B3GLCT: variants seen among roughly 807,000 people sequenced by gnomAD.
B3GLCT encodes the protein beta-1,3-glucosyltransferase.
B3GLCT carries 65 observed loss-of-function variants against 63.4 expected under a neutral mutation model. The ratio of observed to expected loss-of-function variants is 1.03; its 90% CI spans 0.84 to 1.26. The LOEUF is 1.26. Among genes scored for constraint, B3GLCT ranks in the 50% most tolerant of loss-of-function variants. B3GLCT has a pLI of 0.00. For missense variants in B3GLCT, 577 were observed against 604.8 expected (o/e 0.95, Z 0.48); for synonymous variants, 233 against 219.2 (o/e 1.06, Z -0.55).
chr13:31,269,080 G>A, intron 7 of B3GLCT, 134 bp from the exon 8 acceptor site: 1 of 665,474 alleles, frequency 1.5e-6, no homozygotes, highest in Non-Finnish European at 2.6e-6. Flanking sequence ...TTCCCTCAAG[G>A]AATTTAAACT....
intron 10 of B3GLCT, among the ~76,000 whole-genome samples, chr13:31,279,775 G>A (rs1364928111): frequency 6.6e-6 from 1 of 152,158 alleles, no homozygotes; most frequent in Non-Finnish European, 1.5e-5. Context: ...AAACCTGGGA[G>A]CGCTACGGGA....
At chr13:31,228,359 A>G (rs1870205944) in intron 3 of B3GLCT, among the ~76,000 whole-genome samples, 1 of 152,272 alleles carries the variant, frequency 6.6e-6, no homozygotes, top group African/African-American at 2.4e-5. Context: ...AGGACCATTC[A>G]GAACATTCTT....
At chr13:31,321,712 T>G (rs1875337018) in intron 13 of B3GLCT, among the ~76,000 whole-genome samples, 1 of 152,250 alleles carries the variant, frequency 6.6e-6, no homozygotes, top group Non-Finnish European at 1.5e-5. Context: ...CTGTGGTTTC[T>G]GTGTAGGTAT....
At chr13:31,247,567 C>G (rs1871252413) in intron 5 of B3GLCT, among the ~76,000 whole-genome samples, 1 of 152,184 alleles carries the variant, frequency 6.6e-6, no homozygotes, top group Non-Finnish European at 1.5e-5. Flanking sequence ...GCCACCACAC[C>G]CTGCCCTATA....
intron 8 of B3GLCT, among the ~76,000 whole-genome samples, chr13:31,271,555 G>T (rs979816480): frequency 1.2e-4 from 18 of 152,302 alleles, no homozygotes; most frequent in African/African-American, 4.3e-4. Context: ...ATATTTGTGT[G>T]TGTGGTGGTG....
At chr13:31,209,783 C>T (rs1869164046) in intron 1 of B3GLCT, among the ~76,000 whole-genome samples, 1 of 152,184 alleles carries the variant, frequency 6.6e-6, no homozygotes, top group South Asian at 2.1e-4. Flanking sequence ...TCATTGGTTC[C>T]TGCCAGCGCC....
At chr13:31,228,902 G>C (rs1327280726) in intron 3 of B3GLCT, among the ~76,000 whole-genome samples, 1 of 152,200 alleles carries the variant, frequency 6.6e-6, no homozygotes, top group African/African-American at 2.4e-5. Flanking sequence ...CACATTTTCA[G>C]CCATTCTTTC....
intron 2 of B3GLCT, among the ~76,000 whole-genome samples, chr13:31,217,994 A>G (rs1869638046): frequency 6.6e-6 from 1 of 152,152 alleles, no homozygotes; most frequent in Non-Finnish European, 1.5e-5. Flanking sequence ...TAGAAATAAC[A>G]TTGAATCTGT....
intron 1 of B3GLCT, among the ~76,000 whole-genome samples, chr13:31,212,875 T>C (rs936206196): frequency 7.9e-5 from 12 of 152,272 alleles, no homozygotes; most frequent in Admixed American, 5.2e-4. Context: ...GTTTTTGATA[T>C]CTTCTTCAGG....
At chr13:31,267,088 T>A (rs1275640336) in intron 7 of B3GLCT, among the ~76,000 whole-genome samples, 1 of 152,204 alleles carries the variant, frequency 6.6e-6, no homozygotes, top group Non-Finnish European at 1.5e-5. Flanking sequence ...TGGTTTTCAC[T>A]TTTTCCCCTT....
At position 31,247,084 on chromosome 13, in the gene B3GLCT, T is replaced by C. The variant is rs752463879; in HGVS notation, c.332T>C (p.Leu111Pro). ...LAKQEGAWTI[L>P]PLLPHFSVTY... is the part of the protein sequence containing the mutation. The stretch of plus-strand genomic sequence containing the variant: ...AAACAAGAAGGTGCATGGACCATAC[T>C]TCCGTTGTTACCGCAGTACGTTTGT... The change falls in exon 5 of 15, where the codon CTT becomes CCT. Residue 111 changes from leucine to proline, a missense_variant. By Grantham distance (98) the Leu-to-Pro change is moderately conservative. Coordinates refer to ENST00000343307, the MANE Select transcript of B3GLCT (RefSeq NM_194318.4). The C allele has an allele frequency of 1.2e-6, 2 of 1,613,528 alleles. No individual in the cohort carries two copies. The highest frequency in any genetic ancestry group is 1.7e-6 in the Non-Finnish European group (2 of 1,179,550).
At chr13:31,202,892 G>A (rs1030301329) in intron 1 of B3GLCT, among the ~76,000 whole-genome samples, 2 of 152,222 alleles carry the variant, frequency 1.3e-5, no homozygotes, top group African/African-American at 4.8e-5. Flanking sequence ...ATGCCAGATG[G>A]ATGTGGAGCA....
At chr13:31,215,751 C>A (rs962514043) in intron 2 of B3GLCT, among the ~76,000 whole-genome samples, 5 of 152,148 alleles carry the variant, frequency 3.3e-5, no homozygotes, top group African/African-American at 1.2e-4. Flanking sequence ...GTTTAATTTT[C>A]TCAGTCTATG....
chr13:31,289,313 T>A (rs1457016350), intron 12 of B3GLCT, among the ~76,000 whole-genome samples: 1 of 152,118 alleles, frequency 6.6e-6, no homozygotes, highest in East Asian at 1.9e-4. Context: ...TCAAAAACTT[T>A]AGAAATCCTA....
intron 4 of B3GLCT, among the ~76,000 whole-genome samples, chr13:31,240,699 G>A (rs1258489186): frequency 6.6e-6 from 1 of 152,000 alleles, no homozygotes; most frequent in Admixed American, 6.6e-5. Flanking sequence ...TTTTGATGCT[G>A]TATATCATTA....
At position 31,285,358 on chromosome 13, in the gene B3GLCT, G is replaced by A. The variant is rs141818514; in HGVS notation, c.964+597G>A. ...GGATGAGAAATTACCCACTGAGTAC[G>A]ATAGACACTCTTCGGGTGATGGCTT... On this transcript the variant is annotated intron_variant, in intron 11 of 14. Transcript: ENST00000343307. 1.1e-3 allele frequency among the ~76,000 whole-genome samples: 160 copies of A among 152,162 alleles called. 2 individuals are homozygous for A. The East Asian group carries it at 0.011, about 10-fold the overall frequency.
chr13:31,320,431 G>A (rs577752780), intron 13 of B3GLCT, among the ~76,000 whole-genome samples: 19 of 152,126 alleles, frequency 1.2e-4, no homozygotes, highest in Non-Finnish European at 1.9e-4. Flanking sequence ...CCAGTTTGCC[G>A]CTGAAAGCTG....
chr13:31,309,068 T>C (rs1287814343), intron 12 of B3GLCT, among the ~76,000 whole-genome samples: 1 of 152,224 alleles, frequency 6.6e-6, no homozygotes, highest in African/African-American at 2.4e-5. Flanking sequence ...TTGGTAACTT[T>C]TACCTTTAGT....
At chr13:31,248,054 TAAAA>T in intron 6 of B3GLCT, 88 bp downstream of exon 6, 1 of 741,488 alleles carries the variant, frequency 1.3e-6, no homozygotes, top group Non-Finnish European at 2.4e-6. Flanking sequence ...TTGAATCTAA[TAAAA>T]AACCACTTAG....
Sources: allele counts gnomAD v4.1 joint callset (sites outside exome capture counted in the v4.1 genomes callset), GRCh38; gene constraint gnomAD v4.1.1; transcripts MANE v1.5; gene names NCBI Gene and HGNC (gene_info 2026-07-23, HGNC 2026-07-21).